DLGAP3: variants seen among roughly 807,000 people sequenced by gnomAD.
DLGAP3 encodes the protein DLG associated protein 3, also known as disks large-associated protein 3.
In DLGAP3, 17 loss-of-function variants were observed where a neutral mutation model predicts 81.2. The observed-to-expected ratio is 0.21, with a 90% CI of 0.14 to 0.31. The LOEUF is 0.31. DLGAP3 is among the 10% of genes least tolerant of loss of function. The pLI is 1.00. For missense variants in DLGAP3, 1,124 were observed against 1,388.0 expected (o/e 0.81, Z 3.02); for synonymous variants, 577 against 587.4 (o/e 0.98, Z 0.26).
rs762566448 is a variant in DLGAP3, at chr1:34,868,834, G to A, written c.2256C>T (p.Thr752=). 3.5e-5 allele frequency: 56 copies of A among 1,581,296 alleles called. No individual in the cohort carries two copies. The highest frequency in any genetic ancestry group is 1.3e-4 in the African/African-American group (10 of 74,472). ...GYPLPYEPPA[T]DGSPGPAPAP... ...CGGGGGCAGGGCCGGGCGACCCATC[G>A]GTGGCCGGCGGCTCGTACGGCAGTG... The change falls in exon 9 of 12, where the codon ACC becomes ACT. Residue 752 remains threonine, a synonymous_variant. Coordinates refer to ENST00000373347, the MANE Select transcript of DLGAP3 (RefSeq NM_001080418.3). This position sits in a 1 kb window ranked among gnomAD's most constrained non-coding sequence, Gnocchi z 7.5.
At chr1:34,919,102 G>A (rs539226515) in intron 1 of DLGAP3, among the ~76,000 whole-genome samples, 7 of 152,298 alleles carry the variant, frequency 4.6e-5, no homozygotes, top group Admixed American at 3.9e-4. Context: ...CCAGGTGGGA[G>A]GGGAGCGGCT....
intron 1 of DLGAP3, among the ~76,000 whole-genome samples, chr1:34,919,671 T>G (rs908790814): frequency 3.9e-5 from 6 of 152,076 alleles, no homozygotes; most frequent in African/African-American, 1.4e-4. Context: ...TCCCAGCTAC[T>G]CAGGAGGCTG....
At chr1:34,886,017 G>C in intron 6 of DLGAP3, 55 bp downstream of exon 6, 2 of 1,518,766 alleles carry the variant, frequency 1.3e-6, no homozygotes, top group Non-Finnish European at 1.8e-6. Flanking sequence ...CCAGAACCCG[G>C]ACCCAGGGCG....
At chr1:34,886,669 C>T (rs1006198763) in intron 5 of DLGAP3, among the ~76,000 whole-genome samples, 2 of 152,136 alleles carry the variant, frequency 1.3e-5, no homozygotes, top group Admixed American at 6.5e-5. Context: ...AGGGACCTGG[C>T]ATGCACCCTC....
chr1:34,907,253 GC>G (rs963214850), intron 2 of DLGAP3, 101 bp downstream of exon 2: 1 of 152,566 alleles, frequency 6.6e-6, no homozygotes, highest in African/African-American at 2.4e-5. Context: ...AGGTCACAAA[GC>G]CAGTAAGTGG....
intron 5 of DLGAP3, among the ~76,000 whole-genome samples, chr1:34,889,478 T>A (rs6425920): frequency 6.6e-6 from 1 of 152,106 alleles, no homozygotes; most frequent in Non-Finnish European, 1.5e-5. Context: ...CCAACATCCA[T>A]TTACAGGAGA....
In DLGAP3 at chr1:34,886,198, G is replaced by T; in HGVS notation, c.1474C>A (p.Leu492Met). The change falls in exon 6 of 12, where the codon CTG becomes ATG. Residue 492 changes from leucine to methionine, a missense_variant. By Grantham distance (15) the Leu-to-Met change is conservative. Coordinates refer to ENST00000373347, the MANE Select transcript of DLGAP3 (RefSeq NM_001080418.3). ...CTCCGCATGCGGAAACAGCCGGGCA[G>T]GTCCAGGGCGTCCACGGCCTGGGAC... ...LESQAVDALD[L>M]PGCFRMRSHS... The T allele has an allele frequency of 6.2e-7, 1 of 1,611,416 alleles. No individual in the cohort carries two copies.
chr1:34,900,051 G>A lies in DLGAP3; in HGVS notation c.1313+17C>T. ...CAGCCTCCTGACCCCGCACCCCCCG[G>A]CCCTCCCTGTCCTTACTTGATCCTG... On this transcript the variant is annotated intron_variant, in intron 4 of 11. Coordinates refer to ENST00000373347, the MANE Select transcript of DLGAP3 (RefSeq NM_001080418.3). The surrounding 1 kb of genome is among the most constrained non-coding windows in gnomAD (Gnocchi z 5.6). 6.2e-7 allele frequency: 1 copy of A among 1,609,042 alleles called. No homozygotes were observed. Among genetic ancestry groups the A allele is most frequent in the Non-Finnish European group, 8.5e-7 (1 of 1,178,108 alleles).
Position 34,904,918 on chromosome 1 carries a change from T to C in DLGAP3, c.466A>G (p.Thr156Ala). 1 of 1,612,076 alleles carries C rather than the reference T, an allele frequency of 6.2e-7. No homozygotes were observed. Among genetic ancestry groups the C allele is most frequent in the Non-Finnish European group, 8.5e-7 (1 of 1,179,882 alleles). ...CTGCGGGGCTCTGGGGCAGTGCCCG[T>C]CCCTGGCGCTGGCCCGGGCCCTGCC... Reference protein sequence around the residue: ...AGAGPGPAPGTGTAPEPRSES... With the variant: ...AGAGPGPAPGAGTAPEPRSES... Residue 156 changes from threonine (T) to alanine (A), a missense_variant, in exon 3 of 12, where the codon ACG becomes GCG. Physicochemically the swap from Thr to Ala is moderately conservative, Grantham distance 58. This residue lies in a region of DLGAP3 where 65 missense variants were observed against 78.2 expected (regional missense o/e 0.83). Transcript: ENST00000373347. The surrounding 1 kb of genome is among the most constrained non-coding windows in gnomAD (Gnocchi z 8.1).
intron 1 of DLGAP3, chr1:34,925,335 C>T (rs890490545): frequency 6.5e-6 from 1 of 152,748 alleles, no homozygotes; most frequent in Non-Finnish European, 1.5e-5. Context: ...AACCACTTTC[C>T]TTCTTAACCA....
At chr1:34,874,622 T>C (rs1266331881) in intron 8 of DLGAP3, among the ~76,000 whole-genome samples, 1 of 152,168 alleles carries the variant, frequency 6.6e-6, no homozygotes, top group Admixed American at 6.5e-5. Flanking sequence ...ATAATGCAAG[T>C]TGTTATCATG....
chr1:34,918,280 C>T (rs1304903557), intron 1 of DLGAP3, among the ~76,000 whole-genome samples: 1 of 152,216 alleles, frequency 6.6e-6, no homozygotes, highest in East Asian at 1.9e-4. Flanking sequence ...CTTCCGAAGT[C>T]CTTCCTGCCT....
At chr1:34,914,140 C>T (rs1639682687) in intron 1 of DLGAP3, among the ~76,000 whole-genome samples, 1 of 152,150 alleles carries the variant, frequency 6.6e-6, no homozygotes, top group Admixed American at 6.5e-5. Flanking sequence ...TGGGCCCCAG[C>T]TCCCTTCCCA....
chr1:34,919,582 C>T (rs1269356238), intron 1 of DLGAP3, among the ~76,000 whole-genome samples: 1 of 152,106 alleles, frequency 6.6e-6, no homozygotes, highest in African/African-American at 2.4e-5. Flanking sequence ...AGTTCGAGAC[C>T]AGCCTGGCCA....
At chr1:34,920,300 C>T (rs983032402) in intron 1 of DLGAP3, among the ~76,000 whole-genome samples, 1 of 152,158 alleles carries the variant, frequency 6.6e-6, no homozygotes, top group Non-Finnish European at 1.5e-5. Flanking sequence ...ACAGAGACCC[C>T]GCATGGCAGC....
At chr1:34,901,936 A>G (rs1291037727) in intron 3 of DLGAP3, among the ~76,000 whole-genome samples, 2 of 152,118 alleles carry the variant, frequency 1.3e-5, no homozygotes, top group Non-Finnish European at 2.9e-5. Context: ...CTCAGAAGGG[A>G]GAACAGTTCA....
rs1405930923 is a variant in DLGAP3, at chr1:34,885,710, C to G, written c.1682G>C (p.Ser561Thr). 2 of 1,419,112 alleles carry G rather than the reference C, an allele frequency of 1.4e-6. No individual in the cohort carries two copies. Among genetic ancestry groups the G allele is most frequent in the Non-Finnish European group, 1.8e-6 (2 of 1,095,594 alleles). The allele number at this position is 1,419,112 out of a possible 1,614,324, so 87.9% of individuals were successfully genotyped here. Residue 561 changes from serine (S) to threonine (T), a missense_variant, in exon 7 of 12, where the codon AGC (serine) becomes ACC (threonine). Around this residue, in one of 9 missense-constraint regions of DLGAP3, gnomAD observed 379 missense variants for 455.7 expected, o/e 0.83. Coordinates refer to ENST00000373347, the MANE Select transcript of DLGAP3 (RefSeq NM_001080418.3). ...GAAGCTCTCGTGCGCGGAGTCGGTG[C>G]TGCTCTGGGCGGTGATGGAGATGCG... is the stretch of plus-strand genomic sequence containing the variant. Reference protein sequence around the residue: ...PPRISITAQSSTDSAHESFTA... With the variant: ...PPRISITAQSTTDSAHESFTA...
At chr1:34,906,267 A>G (rs1392305959) in intron 2 of DLGAP3, among the ~76,000 whole-genome samples, 1 of 151,754 alleles carries the variant, frequency 6.6e-6, no homozygotes, top group Non-Finnish European at 1.5e-5. Context: ...CTTTAGGTGA[A>G]CTAGCTTTTA....
chr1:34,914,653 A>G (rs180859444), intron 1 of DLGAP3, among the ~76,000 whole-genome samples: 2 of 152,304 alleles, frequency 1.3e-5, no homozygotes, highest in Admixed American at 1.3e-4. Flanking sequence ...TCCCTTTCTC[A>G]TTGTGATGTT....
Sources: allele counts gnomAD v4.1 joint callset (sites outside exome capture counted in the v4.1 genomes callset), GRCh38; gene constraint gnomAD v4.1.1; regional missense constraint gnomAD v4.1.1; non-coding constraint Gnocchi (gnomAD v3.1); transcripts MANE v1.5; gene names NCBI Gene and HGNC (gene_info 2026-07-23, HGNC 2026-07-21).